Variants in RBMS3 observed in about 807,000 individuals in gnomAD.
RBMS3 encodes RNA-binding motif, single-stranded-interacting protein 3.
RBMS3 carries 27 observed loss-of-function variants against 66.8 expected under a neutral mutation model. That is an observed-to-expected ratio of 0.40 (90% CI 0.30 to 0.56). RBMS3 has a LOEUF of 0.56. RBMS3 is among the 20% of genes least tolerant of loss of function. The probability of loss-of-function intolerance (pLI) is 0.40; values close to 1 mark genes in which losing one functional copy is unlikely to be tolerated. For synonymous variants in RBMS3, 188 were observed against 183.0 expected (o/e 1.03, Z -0.22); for missense variants, 513 against 549.5 (o/e 0.93, Z 0.66).
At chr3:29,460,933 G>T (rs1399521301) in intron 2 of RBMS3, among the ~76,000 whole-genome samples, 1 of 152,084 alleles carries the variant, frequency 6.6e-6, no homozygotes, top group Non-Finnish European at 1.5e-5. Context: ...TCCCTAAACT[G>T]CCCTTAATTC....
At chr3:29,814,944 A>C in intron 6 of RBMS3, among the ~76,000 whole-genome samples, 1 of 152,160 alleles carries the variant, frequency 6.6e-6, no homozygotes. Flanking sequence ...AAAGTTACAG[A>C]ATGAGTGTTT....
rs1205228738 is a variant in RBMS3 at position 29,747,386 on chromosome 3, GTAGGTAGATAGA to G, written c.557+7513_557+7524del. Among the ~76,000 whole-genome samples, 946 of 140,490 alleles carry G rather than the reference GTAGGTAGATAGA, an allele frequency of 6.7e-3. 8 individuals are homozygous for G. The highest frequency in any genetic ancestry group is 0.015 in the Middle Eastern group (4 of 268). The allele number at this position is 140,490 out of a possible 152,430, so 92.2% of individuals were successfully genotyped here. ...TCTATCTATCTATCTAGGTAGGTAG[GTAGGTAGATAGA>G]TAGATAGATAGATAGATAGATAGAT... On this transcript the variant is annotated intron_variant, in intron 5 of 14. Transcript: ENST00000383767.
At chr3:29,587,091 A>C (rs770360289) in intron 3 of RBMS3, 23 bp from the exon 4 acceptor site, 3 of 1,576,910 alleles carry the variant, frequency 1.9e-6, no homozygotes, top group Non-Finnish European at 2.6e-6. Context: ...GAATATTAAC[A>C]AGGGGATTTT....
chr3:29,926,370 TG>T (rs1337207908), intron 10 of RBMS3, among the ~76,000 whole-genome samples: 3 of 152,140 alleles, frequency 2.0e-5, no homozygotes, highest in Non-Finnish European at 2.9e-5. Flanking sequence ...CAAAATAAAG[TG>T]CTTTTTGCAG....
chr3:29,811,000 C>T (rs748827618), intron 6 of RBMS3, among the ~76,000 whole-genome samples: 97 of 152,020 alleles, frequency 6.4e-4, no homozygotes, highest in Non-Finnish European at 1.2e-3. Context: ...ATTGCATTAT[C>T]GAATAGTTTG....
chr3:29,986,797 A>G (rs934158685), intron 12 of RBMS3, among the ~76,000 whole-genome samples: 3 of 152,116 alleles, frequency 2.0e-5, no homozygotes, highest in Non-Finnish European at 1.5e-5. Flanking sequence ...ACAAAAATTA[A>G]CCAGGTGTGG....
intron 3 of RBMS3, among the ~76,000 whole-genome samples, chr3:29,532,594 G>C (rs2045408139): frequency 6.6e-6 from 1 of 152,204 alleles, no homozygotes; most frequent in East Asian, 1.9e-4. Flanking sequence ...AGCCAGGCAT[G>C]GTGGTGTGTG....
chr3:29,846,343 A>G (rs912016712), intron 6 of RBMS3, among the ~76,000 whole-genome samples: 2 of 152,140 alleles, frequency 1.3e-5, no homozygotes, highest in Admixed American at 1.3e-4. Flanking sequence ...TGAATAAGGT[A>G]GGTAAGAGTT....
chr3:29,494,128 T>C (rs2043652083), intron 3 of RBMS3, among the ~76,000 whole-genome samples: 1 of 152,212 alleles, frequency 6.6e-6, no homozygotes, highest in South Asian at 2.1e-4. Flanking sequence ...TGTAAGTTAG[T>C]CTTTACCAAG....
intron 4 of RBMS3, among the ~76,000 whole-genome samples, chr3:29,722,017 C>G (rs918545689): frequency 6.6e-6 from 1 of 152,114 alleles, no homozygotes; most frequent in Admixed American, 6.6e-5. Flanking sequence ...TTAGGAGAAG[C>G]AGATGCTGAA....
At chr3:29,482,422 C>G (rs894948584) in intron 2 of RBMS3, among the ~76,000 whole-genome samples, 11 of 152,216 alleles carry the variant, frequency 7.2e-5, no homozygotes, top group South Asian at 2.1e-4. Flanking sequence ...AAGGCACAAA[C>G]CAGTTACTAA....
chr3:29,873,266 C>T (rs914192070), intron 7 of RBMS3, among the ~76,000 whole-genome samples: 1 of 152,054 alleles, frequency 6.6e-6, no homozygotes, highest in Non-Finnish European at 1.5e-5. Flanking sequence ...GATTTCTTTG[C>T]ATAGTGTTTT....
At chr3:29,577,333 A>T (rs1576276299) in intron 3 of RBMS3, among the ~76,000 whole-genome samples, 1 of 152,254 alleles carries the variant, frequency 6.6e-6, no homozygotes, top group East Asian at 1.9e-4. Context: ...AAGGAAGGAG[A>T]CACTTTCATT....
At chr3:29,398,575 G>A (rs1449983630) in intron 1 of RBMS3, among the ~76,000 whole-genome samples, 4 of 152,202 alleles carry the variant, frequency 2.6e-5, no homozygotes, top group Non-Finnish European at 5.9e-5. Flanking sequence ...AATTAGAGAT[G>A]AAAAGATCTT....
At chr3:29,890,534 C>T (rs887324213) in intron 8 of RBMS3, among the ~76,000 whole-genome samples, 3 of 151,540 alleles carry the variant, frequency 2.0e-5, no homozygotes, top group Non-Finnish European at 4.4e-5. Flanking sequence ...TATTGTTCAA[C>T]GTTGCTTAAT....
chr3:29,381,328 G>A (rs1453918386), intron 1 of RBMS3, among the ~76,000 whole-genome samples: 1 of 152,204 alleles, frequency 6.6e-6, no homozygotes. Context: ...ACCTGGTCAA[G>A]TGGTCCAGAA....
intron 1 of RBMS3, among the ~76,000 whole-genome samples, chr3:29,392,798 CAG>C (rs2039361227): frequency 6.6e-6 from 1 of 151,700 alleles, no homozygotes; most frequent in Non-Finnish European, 1.5e-5. Context: ...GCAAGGATGA[CAG>C]AAGAGAATCC....
At chr3:29,539,144 C>A (rs1331291173) in intron 3 of RBMS3, among the ~76,000 whole-genome samples, 1 of 152,000 alleles carries the variant, frequency 6.6e-6, no homozygotes, top group Non-Finnish European at 1.5e-5. Flanking sequence ...TTGGGTCTTA[C>A]AGGAAATGAG....
intron 4 of RBMS3, among the ~76,000 whole-genome samples, chr3:29,693,722 C>T (rs533020595): frequency 2.6e-4 from 40 of 152,184 alleles, no homozygotes; most frequent in African/African-American, 9.4e-4. Flanking sequence ...TGGGTAACAT[C>T]AGTGAACTAG....
Sources: allele counts gnomAD v4.1 joint callset (sites outside exome capture counted in the v4.1 genomes callset), GRCh38; gene constraint gnomAD v4.1.1; transcripts MANE v1.5; gene names NCBI Gene and HGNC (gene_info 2026-07-23, HGNC 2026-07-21).